The following ALKBH5 variants were observed in gnomAD, a reference collection of about 807,000 sequenced individuals.
ALKBH5 encodes the protein alkB homolog 5, RNA demethylase.
A neutral mutation model predicts 32.1 loss-of-function variants in ALKBH5; 2 were observed. That is an observed-to-expected ratio of 0.06 (90% CI 0.03 to 0.20). The LOEUF (loss-of-function observed/expected upper bound fraction) is 0.20. Among genes scored for constraint, ALKBH5 ranks in the 10% least tolerant of loss-of-function variants. The pLI, the probability that ALKBH5 is intolerant of heterozygous loss-of-function variation, is 1.00. For synonymous variants in ALKBH5, 300 were observed against 231.7 expected (o/e 1.29, Z -2.68); for missense variants, 352 against 559.5 (o/e 0.63, Z 3.74).
intron 2 of ALKBH5, among the ~76,000 whole-genome samples, chr17:18,196,543 A>G (rs1255730900): frequency 6.6e-6 from 1 of 152,042 alleles, no homozygotes; most frequent in Admixed American, 6.6e-5. Context: ...GATGATATTG[A>G]CTGGTTAGGT....
At chr17:18,205,912 T>C (rs9899249) in intron 2 of ALKBH5, among the ~76,000 whole-genome samples, 34,436 of 152,138 alleles carry the variant, frequency 0.23, 4,351 homozygotes, top group South Asian at 0.42. Flanking sequence ...GGGTCTCTGC[T>C]AGCTATGTCC....
rs13284 is a variant in ALKBH5 at position 18,208,816 on chromosome 17, C to T, written c.*420C>T. The T allele has an allele frequency of 0.19, 59,066 of 304,806 alleles. 6,332 individuals carry two copies. Among genetic ancestry groups the T allele is most frequent in the Middle Eastern group, 0.32 (261 of 808 alleles). 18.9% of individuals were successfully genotyped at this position (304,806 alleles called of 1,614,324 possible). A position where few individuals can be genotyped will look rare whatever the true frequency, so the allele number is the denominator to read the frequency against. ...TCTAAACAAAGTTCAGTCTTCTGCTCGCCCCTTTCCCTCACTGATGTCTGC... is the reference window on the plus strand; with the variant it reads ...TCTAAACAAAGTTCAGTCTTCTGCTTGCCCCTTTCCCTCACTGATGTCTGC... On this transcript the variant is annotated 3_prime_UTR_variant, in exon 4 of 4. Coordinates refer to ENST00000399138, the MANE Select transcript of ALKBH5 (RefSeq NM_017758.4).
chr17:18,199,785 A>G (rs1352184793), intron 2 of ALKBH5, among the ~76,000 whole-genome samples: 1 of 152,106 alleles, frequency 6.6e-6, no homozygotes, highest in Non-Finnish European at 1.5e-5. Flanking sequence ...AGCACAGGGT[A>G]TTCTCTGGGA....
chr17:18,196,297 A>C (rs535584883), intron 2 of ALKBH5, among the ~76,000 whole-genome samples: 3 of 150,786 alleles, frequency 2.0e-5, no homozygotes, highest in African/African-American at 7.3e-5. Flanking sequence ...ATCTCGGCTC[A>C]CTGCAACCTC....
Position 18,208,600 on chromosome 17 carries a change from G to A in ALKBH5, c.*204G>A, listed in dbSNP as rs1344207481. The A allele has an allele frequency of 1.4e-6, 1 of 695,382 alleles. No homozygotes were observed. Among genetic ancestry groups the A allele is most frequent in the Admixed American group, 2.2e-5 (1 of 46,114 alleles). 43.1% of individuals were successfully genotyped at this position (695,382 alleles called of 1,614,324 possible). A position where few individuals can be genotyped will look rare whatever the true frequency, so the allele number is the denominator to read the frequency against. ...CAGGACCTAGGTTCTCATATTCTTGGTATTCCTCCTGGATGGAAAGGCTGT... is the reference window on the plus strand; with the variant it reads ...CAGGACCTAGGTTCTCATATTCTTGATATTCCTCCTGGATGGAAAGGCTGT... On this transcript the variant is annotated 3_prime_UTR_variant, in exon 4 of 4. Transcript: ENST00000399138.
rs1322186970 is a variant in ALKBH5, at chr17:18,184,336, C to CGCCGCT, written c.99_104dup (p.Ala36_Ala37dup). On this transcript the variant is annotated inframe_insertion, in exon 1 of 4. Transcript: ENST00000399138. ...ATAAGGCGGGCAGCCGGGAGGCCGC[C>CGCCGCT]GCCGCTGCCGCAGCCGCCGTAGCCG... 27 of 1,509,900 alleles carry CGCCGCT rather than the reference C, an allele frequency of 1.8e-5. No individual in the cohort carries two copies. The highest frequency in any genetic ancestry group is 2.9e-5 in the African/African-American group (2 of 69,460). 93.5% of individuals were successfully genotyped at this position (1,509,900 alleles called of 1,614,324 possible).
chr17:18,194,838 AGTAATGGGTAGAGAGCAGCC>A, intron 1 of ALKBH5, 97 bp from the exon 2 acceptor site: 1 of 729,760 alleles, frequency 1.4e-6, no homozygotes, highest in South Asian at 1.8e-5. Context: ...GAAACTCTCA[AGTAATGGGTAGAGAGCAGCC>A]GTAAGACCTA....
intron 1 of ALKBH5, among the ~76,000 whole-genome samples, chr17:18,186,063 C>T (rs1445589095): frequency 2.0e-5 from 3 of 152,164 alleles, no homozygotes; most frequent in African/African-American, 7.2e-5. Flanking sequence ...AAGCAGGGTC[C>T]CTGGAGCCTT....
chr17:18,185,575 A>G (rs2047134111), intron 1 of ALKBH5, among the ~76,000 whole-genome samples: 1 of 152,174 alleles, frequency 6.6e-6, no homozygotes, highest in Non-Finnish European at 1.5e-5. Flanking sequence ...GGCCAGGCAT[A>G]CAGAGCAGCA....
At chr17:18,200,984 C>T (rs2047233216) in intron 2 of ALKBH5, among the ~76,000 whole-genome samples, 1 of 150,318 alleles carries the variant, frequency 6.7e-6, no homozygotes, top group Admixed American at 6.7e-5. Context: ...AAGCGAAGCT[C>T]AATAGCTTAC....
chr17:18,197,032 G>A (rs1341341970), intron 2 of ALKBH5, among the ~76,000 whole-genome samples: 1 of 152,050 alleles, frequency 6.6e-6, no homozygotes, highest in Non-Finnish European at 1.5e-5. Context: ...TGGTCCTTTG[G>A]GCCCATAACT....
At chr17:18,188,537 G>T (rs1360664894) in intron 1 of ALKBH5, among the ~76,000 whole-genome samples, 1 of 152,242 alleles carries the variant, frequency 6.6e-6, no homozygotes, top group African/African-American at 2.4e-5. Context: ...AAGTAGGGCA[G>T]ATAGGTCCTG....
chr17:18,195,363 C>T (rs556819703), intron 2 of ALKBH5, among the ~76,000 whole-genome samples: 10 of 152,296 alleles, frequency 6.6e-5, no homozygotes, highest in African/African-American at 2.4e-4. Context: ...CTCCTTCGTT[C>T]TTATTTGTTA....
chr17:18,201,767 A>G (rs560262200), intron 2 of ALKBH5, among the ~76,000 whole-genome samples: 10 of 134,020 alleles, frequency 7.5e-5, no homozygotes, highest in South Asian at 2.8e-4. Context: ...AGATAGATAG[A>G]TAGATAGATA....
chr17:18,202,648 C>G (rs2047248662), intron 2 of ALKBH5, among the ~76,000 whole-genome samples: 1 of 152,090 alleles, frequency 6.6e-6, no homozygotes, highest in African/African-American at 2.4e-5. Context: ...GGGGACTGCC[C>G]TCGCTCCAGA....
At chr17:18,205,652 C>T (rs2047265527) in intron 2 of ALKBH5, among the ~76,000 whole-genome samples, 1 of 152,192 alleles carries the variant, frequency 6.6e-6, no homozygotes, top group Admixed American at 6.5e-5. Context: ...TCCTTCCCAT[C>T]TATGTACAGT....
chr17:18,206,941 C>T lies in ALKBH5; in HGVS notation c.978C>T (p.His326=). ...CTGCTCTGAAACCCAAGCGGTCCCACCGCAAGGCAGACCCTGATGCTGCCC... is the reference window on the plus strand; with the variant it reads ...CTGCTCTGAAACCCAAGCGGTCCCATCGCAAGGCAGACCCTGATGCTGCCC... ...RDPALKPKRS[H]RKADPDAAHR... is the part of the protein sequence containing the mutation. The change falls in exon 3 of 4, where the codon CAC becomes CAT. Residue 326 remains histidine (H), a synonymous_variant. Coordinates refer to ENST00000399138, the MANE Select transcript of ALKBH5 (RefSeq NM_017758.4). 6.2e-7 allele frequency: 1 copy of T among 1,614,260 alleles called. No homozygotes were observed. The highest frequency in any genetic ancestry group is 8.5e-7 in the Non-Finnish European group (1 of 1,180,056).
chr17:18,200,080 G>A lies in ALKBH5; in HGVS notation c.851+5045G>A, dbSNP rs565547856. 2.5e-4 allele frequency among the ~76,000 whole-genome samples: 37 copies of A among 146,088 alleles called. 1 individual carries two copies. Among genetic ancestry groups the A allele is most frequent in the Non-Finnish European group, 4.8e-4 (32 of 67,040 alleles). ...CCATTGCACTCCAGCCTGGGAGACA[G>A]AGCGAGACTCCATCTCAAAAAAAAA... On this transcript the variant is annotated intron_variant, in intron 2 of 3. Transcript: ENST00000399138.
Position 18,184,092 on chromosome 17 carries a change from C to A in ALKBH5, c.-152C>A. 1.4e-6 allele frequency: 1 copy of A among 729,860 alleles called. No homozygotes were observed. The highest frequency in any genetic ancestry group is 2.3e-6 in the Non-Finnish European group (1 of 429,412). The allele number at this position is 729,860 out of a possible 1,614,324, so 45.2% of individuals were successfully genotyped here. A position where few individuals can be genotyped will look rare whatever the true frequency, so the allele number is the denominator to read the frequency against. On this transcript the variant is annotated 5_prime_UTR_variant, in exon 1 of 4. Coordinates refer to ENST00000399138, the MANE Select transcript of ALKBH5 (RefSeq NM_017758.4). ...CTGAGGCCCTACCCCACGCCCGGACCCTCGACGCCCCCCGCCGGGTCCCCC... is the reference window on the plus strand; with the variant it reads ...CTGAGGCCCTACCCCACGCCCGGACACTCGACGCCCCCCGCCGGGTCCCCC...
Sources: gnomAD v4.1 joint callset for allele counts (sites outside exome capture counted in the v4.1 genomes callset) on GRCh38, gnomAD v4.1.1 for gene constraint, MANE v1.5 for transcripts, NCBI Gene and HGNC (gene_info 2026-07-23, HGNC 2026-07-21) for gene names.